IQCJ: variants seen among roughly 807,000 people sequenced by gnomAD.
IQCJ encodes IQ domain-containing protein J.
IQCJ carries 9 observed loss-of-function variants against 11.0 expected under a neutral mutation model. That is an observed-to-expected ratio of 0.82 (90% CI 0.49 to 1.43). The LOEUF is 1.43. Among genes scored for constraint, IQCJ ranks in the 40% most tolerant of loss-of-function variants. The pLI, the probability that IQCJ is intolerant of heterozygous loss-of-function variation, is 0.00. For synonymous variants in IQCJ, 55 were observed against 51.3 expected (o/e 1.07, Z -0.31); for missense variants, 146 against 133.2 (o/e 1.10, Z -0.47).
chr3:159,211,231 C>A (rs969464341), intron 1 of IQCJ, among the ~76,000 whole-genome samples: 4 of 152,112 alleles, frequency 2.6e-5, no homozygotes, highest in African/African-American at 9.7e-5. Flanking sequence ...ATGTGAAGTA[C>A]ACCGTTGTGG....
intron 1 of IQCJ, among the ~76,000 whole-genome samples, chr3:159,169,623 G>A (rs1722385857): frequency 6.6e-6 from 1 of 152,092 alleles, no homozygotes; most frequent in African/African-American, 2.4e-5. Context: ...CATAGCTGTA[G>A]CAAGTTACCA....
intron 3 of IQCJ, among the ~76,000 whole-genome samples, chr3:159,253,610 A>C (rs1401838752): frequency 1.3e-5 from 2 of 149,766 alleles, no homozygotes; most frequent in Admixed American, 6.6e-5. Context: ...CTCCCTCACA[A>C]ACACACACAC....
chr3:159,089,380 A>C (rs1392928759), intron 1 of IQCJ, among the ~76,000 whole-genome samples: 1 of 152,054 alleles, frequency 6.6e-6, no homozygotes, highest in Non-Finnish European at 1.5e-5. Flanking sequence ...ACTTTGGTGA[A>C]TCTGACAATT....
In IQCJ at chr3:159,069,547, G is replaced by A. The variant is rs774520472; in HGVS notation, c.9+106G>A. ...CTGAATTAACATGTATGCAAAAAAT[G>A]TCAAAAAGAGCTTATAGAACAGTGT... On this transcript the variant is annotated intron_variant, in intron 1 of 3. Coordinates refer to ENST00000397832, the MANE Select transcript of IQCJ (RefSeq NM_001042706.3). 1.2e-5 allele frequency: 18 copies of A among 1,467,510 alleles called. No individual in the cohort carries two copies. In the African/African-American group the frequency reaches 1.8e-4, roughly 15 times the overall value. 90.9% of individuals were successfully genotyped at this position (1,467,510 alleles called of 1,614,324 possible).
chr3:159,225,514 C>T (rs1236743311), intron 1 of IQCJ, among the ~76,000 whole-genome samples: 1 of 152,090 alleles, frequency 6.6e-6, no homozygotes, highest in Non-Finnish European at 1.5e-5. Context: ...ACATTATAAA[C>T]ACACACAAAT....
At chr3:159,091,674 G>GCACACACA (rs1170628138) in intron 1 of IQCJ, among the ~76,000 whole-genome samples, 159 of 81,298 alleles carry the variant, frequency 2.0e-3, no homozygotes, top group East Asian at 5.9e-3. Flanking sequence ...ACACACGCAT[G>GCACACACA]CACACACACA....
At chr3:159,246,021 G>C in intron 2 of IQCJ, 114 bp downstream of exon 2, 1 of 796,268 alleles carries the variant, frequency 1.3e-6, no homozygotes, top group South Asian at 1.8e-5. Flanking sequence ...TGTTATCATT[G>C]TGGTCAGAGC....
intron 1 of IQCJ, among the ~76,000 whole-genome samples, chr3:159,174,211 G>A (rs1426194627): frequency 6.6e-6 from 1 of 151,964 alleles, no homozygotes; most frequent in Non-Finnish European, 1.5e-5. Context: ...TCCTATGCTT[G>A]TTTTATGGTT....
At chr3:159,134,316 G>A (rs1433868127) in intron 1 of IQCJ, among the ~76,000 whole-genome samples, 4 of 152,144 alleles carry the variant, frequency 2.6e-5, no homozygotes, top group African/African-American at 9.7e-5. Flanking sequence ...CATTCTGTAA[G>A]TTAAAAGCAA....
Position 159,262,686 on chromosome 3 carries a change from G to C in IQCJ, c.294G>C (p.Val98=), listed in dbSNP as rs1413851125. The C allele has an allele frequency of 6.2e-7, 1 of 1,613,786 alleles. No homozygotes were observed. The highest frequency in any genetic ancestry group is 1.3e-5 in the African/African-American group (1 of 74,924). Residue 98 remains valine (V), a synonymous_variant, in exon 4 of 4, where the codon GTG becomes GTC. Transcript: ENST00000397832. ...MNTFSDSSTP[V]SVMFLFLCPD... ...CCTTCTCCGACAGCAGCACACCCGTGAGTGTCATGTTTCTTTTTCTATGTC... is the reference window on the plus strand; with the variant it reads ...CCTTCTCCGACAGCAGCACACCCGTCAGTGTCATGTTTCTTTTTCTATGTC...
chr3:159,093,215 A>G (rs1240304337), intron 1 of IQCJ, among the ~76,000 whole-genome samples: 1 of 151,808 alleles, frequency 6.6e-6, no homozygotes, highest in East Asian at 1.9e-4. Flanking sequence ...TAGGATTCTT[A>G]CCATTTTATT....
At chr3:159,181,285 C>G (rs1723076400) in intron 1 of IQCJ, among the ~76,000 whole-genome samples, 1 of 151,248 alleles carries the variant, frequency 6.6e-6, no homozygotes, top group Non-Finnish European at 1.5e-5. Context: ...TTTCACAGGC[C>G]TCTCTTCCTC....
chr3:159,187,749 G>A (rs1032993479), intron 1 of IQCJ, among the ~76,000 whole-genome samples: 1 of 152,158 alleles, frequency 6.6e-6, no homozygotes, highest in Non-Finnish European at 1.5e-5. Context: ...AGTGTCCATC[G>A]GTGTCCTTCT....
intron 1 of IQCJ, among the ~76,000 whole-genome samples, chr3:159,221,820 TAA>T (rs59547898): frequency 5.0e-5 from 5 of 99,078 alleles, no homozygotes; most frequent in African/African-American, 1.1e-4. Flanking sequence ...CAAGAAAGAA[TAA>T]AAAAAAAAAA....
chr3:159,089,835 A>C (rs2108077614), intron 1 of IQCJ, among the ~76,000 whole-genome samples: 1 of 151,538 alleles, frequency 6.6e-6, no homozygotes, highest in East Asian at 1.9e-4. Flanking sequence ...ATTTTTTTCA[A>C]AGTTTTCAAC....
chr3:159,084,286 A>G (rs1716546879), intron 1 of IQCJ, among the ~76,000 whole-genome samples: 1 of 152,070 alleles, frequency 6.6e-6, no homozygotes. Flanking sequence ...GTGTACTAAA[A>G]GAAGATAAAT....
intron 1 of IQCJ, among the ~76,000 whole-genome samples, chr3:159,220,046 G>A (rs1220507996): frequency 6.6e-6 from 1 of 152,134 alleles, no homozygotes; most frequent in Non-Finnish European, 1.5e-5. Flanking sequence ...GTTTACAAGT[G>A]GCGTGCTTCC....
chr3:159,075,965 C>T (rs562407925), intron 1 of IQCJ, among the ~76,000 whole-genome samples: 2 of 152,078 alleles, frequency 1.3e-5, no homozygotes, highest in South Asian at 2.1e-4. Flanking sequence ...GTTTGCCCAC[C>T]CAGAAGGCTC....
chr3:159,198,988 T>G (rs978474573), intron 1 of IQCJ, among the ~76,000 whole-genome samples: 1 of 152,196 alleles, frequency 6.6e-6, no homozygotes, highest in Non-Finnish European at 1.5e-5. Flanking sequence ...TTAAGAAATA[T>G]TCACTTAGAA....
Sources: allele counts gnomAD v4.1 joint callset (sites outside exome capture counted in the v4.1 genomes callset), GRCh38; gene constraint gnomAD v4.1.1; transcripts MANE v1.5; gene names NCBI Gene and HGNC (gene_info 2026-07-23, HGNC 2026-07-21).